The following SLC44A5 variants were observed in gnomAD, a reference collection of about 807,000 sequenced individuals.
SLC44A5 encodes solute carrier family 44 member 5.
SLC44A5 carries 57 observed loss-of-function variants against 101.8 expected under a neutral mutation model. The observed-to-expected ratio is 0.56, with a 90% confidence interval of 0.45 to 0.70. The LOEUF is 0.70. SLC44A5 is among the 30% of genes least tolerant of loss of function. The probability of loss-of-function intolerance (pLI) is 0.00; values close to 1 mark genes in which losing one functional copy is unlikely to be tolerated. For missense variants in SLC44A5, 737 were observed against 853.1 expected (o/e 0.86, Z 1.70); for synonymous variants, 281 against 290.9 (o/e 0.97, Z 0.35).
chr1:75,398,675 G>A (rs908160464), intron 2 of SLC44A5, among the ~76,000 whole-genome samples: 2 of 152,038 alleles, frequency 1.3e-5, no homozygotes, highest in Non-Finnish European at 2.9e-5. Flanking sequence ...GTATAGTTTT[G>A]ACTCCTCTTT....
At position 75,296,277 on chromosome 1, in the gene SLC44A5, A is replaced by G. The variant is rs1385121461; in HGVS notation, c.175+4335T>C. On this transcript the variant is annotated intron_variant, in intron 5 of 23. Transcript: ENST00000370859. ...ACCGTATTCAAGGGGAAAGGATTGC[A>G]GATCCTACTTCTCAATGGGAAAAAT... 7.2e-5 allele frequency among the ~76,000 whole-genome samples: 11 copies of G among 152,272 alleles called. No homozygotes were observed. The East Asian group carries it at 2.1e-3, about 29-fold the overall frequency.
At chr1:75,700,347 G>C in the SLC44A5 span, among the ~76,000 whole-genome samples, 1 of 152,082 alleles carries the variant, frequency 6.6e-6, no homozygotes, top group African/African-American at 2.4e-5. Flanking sequence ...TCAGGATTAA[G>C]AAACTCACTC....
intron 1 of SLC44A5, among the ~76,000 whole-genome samples, chr1:75,570,790 G>A (rs780199358): frequency 7.9e-5 from 12 of 151,880 alleles, no homozygotes; most frequent in African/African-American, 1.7e-4. Context: ...AACACTGAAC[G>A]AAAAAAATGT....
chr1:75,537,034 A>AAAAAAAAATATATATATG (rs1553199990), intron 2 of SLC44A5, among the ~76,000 whole-genome samples: 41 of 18,584 alleles, frequency 2.2e-3, no homozygotes, highest in African/African-American at 4.0e-3. Flanking sequence ...AAAAAAAAAA[A>AAAAAAAAATATATATATG]TATATATCTA....
intron 4 of SLC44A5, among the ~76,000 whole-genome samples, chr1:75,319,121 C>T (rs1655943801): frequency 6.6e-6 from 1 of 152,080 alleles, no homozygotes; most frequent in Non-Finnish European, 1.5e-5. Flanking sequence ...GTAAACAGTA[C>T]ATTATGTTGA....
chr1:75,684,766 G>A, the SLC44A5 span, among the ~76,000 whole-genome samples: 1 of 152,172 alleles, frequency 6.6e-6, no homozygotes, highest in Non-Finnish European at 1.5e-5. Flanking sequence ...GGTGTTGAGT[G>A]TCTGCAGGTT....
intron 2 of SLC44A5, among the ~76,000 whole-genome samples, chr1:75,413,719 C>T (rs1663432083): frequency 6.6e-6 from 1 of 152,166 alleles, no homozygotes; most frequent in African/African-American, 2.4e-5. Flanking sequence ...GATCTGTTAT[C>T]CACAAATTTC....
At chr1:75,482,298 A>AT (rs1443311179) in intron 2 of SLC44A5, among the ~76,000 whole-genome samples, 1 of 152,060 alleles carries the variant, frequency 6.6e-6, no homozygotes, top group East Asian at 1.9e-4. Flanking sequence ...GAGGGATAGC[A>AT]TTAGGAGATA....
intron 2 of SLC44A5, among the ~76,000 whole-genome samples, chr1:75,462,110 A>T (rs1666534470): frequency 6.6e-6 from 1 of 152,176 alleles, no homozygotes; most frequent in Non-Finnish European, 1.5e-5. Flanking sequence ...TTCAGGTCTG[A>T]CCCAGGACAT....
chr1:75,683,535 T>C, the SLC44A5 span, among the ~76,000 whole-genome samples: 1 of 151,812 alleles, frequency 6.6e-6, no homozygotes, highest in Non-Finnish European at 1.5e-5. Flanking sequence ...ATATTCTCAC[T>C]CATAGGTGGG....
intron 2 of SLC44A5, among the ~76,000 whole-genome samples, chr1:75,426,389 T>G (rs554772903): frequency 6.6e-6 from 1 of 152,280 alleles, no homozygotes; most frequent in South Asian, 2.1e-4. Flanking sequence ...TCCAACTGTT[T>G]CCAAGCACCA....
At chr1:75,636,156 G>A in the SLC44A5 span, among the ~76,000 whole-genome samples, 1 of 151,946 alleles carries the variant, frequency 6.6e-6, no homozygotes, top group Non-Finnish European at 1.5e-5. Context: ...ACGTATGAGT[G>A]AGAACATGCG....
chr1:75,542,273 T>C lies in SLC44A5; in HGVS notation c.-69-757A>G, dbSNP rs975884333. Among the ~76,000 whole-genome samples the C allele has an allele frequency of 7.9e-5, 12 of 152,144 alleles. 1 individual carries two copies. Among genetic ancestry groups the C allele is most frequent in the Admixed American group, 6.5e-5 (1 of 15,282 alleles). The stretch of plus-strand genomic sequence containing the variant: ...ACCATTAATATGTTAATGACTTCCA[T>C]AACCATAGTATAGTTGCCTAGATCT... On this transcript the variant is annotated intron_variant, in intron 1 of 23. Coordinates refer to ENST00000370859, the MANE Select transcript of SLC44A5 (RefSeq NM_001130058.2).
chr1:75,633,628 A>G, the SLC44A5 span, among the ~76,000 whole-genome samples: 2 of 151,982 alleles, frequency 1.3e-5, no homozygotes, highest in African/African-American at 4.8e-5. Flanking sequence ...GGGCTGAGAC[A>G]ATGGGGTTTT....
chr1:75,226,602 G>C (rs1319752756), intron 13 of SLC44A5, among the ~76,000 whole-genome samples: 1 of 152,114 alleles, frequency 6.6e-6, no homozygotes, highest in East Asian at 1.9e-4. Context: ...GGAATGGGAC[G>C]CATGCCTGTA....
intron 2 of SLC44A5, among the ~76,000 whole-genome samples, chr1:75,431,611 G>C (rs1448988920): frequency 6.6e-6 from 1 of 152,146 alleles, no homozygotes; most frequent in Non-Finnish European, 1.5e-5. Flanking sequence ...TAGTGGCGAG[G>C]AGGAGTGGGT....
chr1:75,441,886 A>G (rs528060500), intron 2 of SLC44A5, among the ~76,000 whole-genome samples: 19 of 152,280 alleles, frequency 1.2e-4, no homozygotes, highest in African/African-American at 4.6e-4. Context: ...ACAAAACCAC[A>G]AGTAATGTAT....
intron 1 of SLC44A5, among the ~76,000 whole-genome samples, chr1:75,583,065 T>C (rs1673788706): frequency 6.6e-6 from 1 of 152,218 alleles, no homozygotes. Flanking sequence ...ACTCAAAGCA[T>C]TAATCTAATA....
the SLC44A5 span, among the ~76,000 whole-genome samples, chr1:75,621,610 G>A: frequency 0.016 from 2,385 of 152,076 alleles, 56 homozygotes; most frequent in African/African-American, 0.051. Context: ...ATTAACTACC[G>A]TAGTTTAGAG....
Sources: gnomAD v4.1 joint callset for allele counts (sites outside exome capture counted in the v4.1 genomes callset) on GRCh38, gnomAD v4.1.1 for gene constraint, MANE v1.5 for transcripts, NCBI Gene and HGNC (gene_info 2026-07-23, HGNC 2026-07-21) for gene names.